GRIK3: variants seen among roughly 807,000 people sequenced by gnomAD.
GRIK3 encodes glutamate receptor ionotropic, kainate 3.
Under a neutral mutation model 102.5 loss-of-function variants are expected in GRIK3, and 29 were observed. The ratio of observed to expected loss-of-function variants is 0.28; its 90% confidence interval spans 0.21 to 0.39. The LOEUF is 0.39. Among genes scored for constraint, GRIK3 ranks in the 10% least tolerant of loss-of-function variants. GRIK3 has a pLI of 1.00. For missense variants in GRIK3, 908 were observed against 1,252.4 expected (o/e 0.73, Z 4.15); for synonymous variants, 511 against 504.9 (o/e 1.01, Z -0.16).
At chr1:37,004,371 T>G (rs1557460000) in intron 1 of GRIK3, among the ~76,000 whole-genome samples, 1 of 152,112 alleles carries the variant, frequency 6.6e-6, no homozygotes. Flanking sequence ...CACAAAGAGG[T>G]AGGGAATTGT....
chr1:36,854,003 AG>A (rs1640618471), intron 7 of GRIK3, among the ~76,000 whole-genome samples: 1 of 152,178 alleles, frequency 6.6e-6, no homozygotes, highest in Middle Eastern at 3.2e-3. Flanking sequence ...AGTCATGGGA[AG>A]GGGGAGCCCA....
At chr1:37,002,054 G>A (rs1289511615) in intron 1 of GRIK3, among the ~76,000 whole-genome samples, 1 of 152,194 alleles carries the variant, frequency 6.6e-6, no homozygotes. Flanking sequence ...AGAGCAACAA[G>A]CATCCAAAGG....
At position 36,814,406 on chromosome 1, in the gene GRIK3, CACACAT is replaced by C. The variant is rs969484972; in HGVS notation, c.2091+2648_2091+2653del. ...GCAGGCAGGCATGTGTGCACATACA[CACACAT>C]ACACATGCAGACACATATGCATGTA... On this transcript the variant is annotated intron_variant, in intron 13 of 15. Coordinates refer to ENST00000373091, the MANE Select transcript of GRIK3 (RefSeq NM_000831.4). Among the ~76,000 whole-genome samples the C allele has an allele frequency of 3.3e-4, 49 of 149,788 alleles. 1 individual carries two copies. The highest frequency in any genetic ancestry group is 1.2e-3 in the African/African-American group (49 of 39,416).
intron 1 of GRIK3, among the ~76,000 whole-genome samples, chr1:36,982,530 T>A (rs544577953): frequency 3.9e-5 from 6 of 152,292 alleles, no homozygotes; most frequent in Admixed American, 1.3e-4. Context: ...AAAGAATAGA[T>A]GTGCATATGA....
intron 5 of GRIK3, among the ~76,000 whole-genome samples, chr1:36,861,212 C>A (rs1390279954): frequency 6.6e-6 from 1 of 152,180 alleles, no homozygotes; most frequent in Non-Finnish European, 1.5e-5. Context: ...ATCTCTGACG[C>A]ATGTTCCTTC....
At chr1:36,913,769 G>A (rs1207522577) in intron 1 of GRIK3, among the ~76,000 whole-genome samples, 1 of 152,076 alleles carries the variant, frequency 6.6e-6, no homozygotes, top group Non-Finnish European at 1.5e-5. Flanking sequence ...CTCTCCCAGA[G>A]GCATGACTCT....
intron 10 of GRIK3, among the ~76,000 whole-genome samples, chr1:36,837,997 G>A (rs1382264735): frequency 6.6e-6 from 1 of 152,198 alleles, no homozygotes; most frequent in Admixed American, 6.5e-5. Context: ...CTGTGGCCTG[G>A]CAGGATGACC....
rs138077704 is a variant in GRIK3 at position 37,031,573 on chromosome 1, T to C, written c.115+2421A>G. ...CCCTCTCCGGGCTGGTGCTCGGCGA[T>C]GCCTGGCTGCTGGAGAAGCATTCAG... On this transcript the variant is annotated intron_variant, in intron 1 of 15. Transcript: ENST00000373091. 2.0e-4 allele frequency among the ~76,000 whole-genome samples: 31 copies of C among 152,366 alleles called. No individual in the cohort carries two copies. In the East Asian group the frequency reaches 5.4e-3, roughly 27 times the overall value.
intron 1 of GRIK3, among the ~76,000 whole-genome samples, chr1:36,905,960 G>A (rs1262757123): frequency 6.6e-6 from 1 of 152,130 alleles, no homozygotes; most frequent in Non-Finnish European, 1.5e-5. Context: ...GGGGAGGAGG[G>A]GAAAGAGAGG....
intron 1 of GRIK3, among the ~76,000 whole-genome samples, chr1:36,916,095 A>C (rs976682904): frequency 1.5e-4 from 23 of 152,200 alleles, no homozygotes; most frequent in Non-Finnish European, 2.9e-4. Context: ...GTGATCTCAG[A>C]TGGAGATGAG....
At chr1:37,012,638 T>C (rs1642609673) in intron 1 of GRIK3, among the ~76,000 whole-genome samples, 1 of 152,206 alleles carries the variant, frequency 6.6e-6, no homozygotes, top group Non-Finnish European at 1.5e-5. Flanking sequence ...CTCTGTGTTT[T>C]CAGATGAGAA....
chr1:36,884,481 C>A (rs1641017657), intron 2 of GRIK3, among the ~76,000 whole-genome samples: 1 of 152,130 alleles, frequency 6.6e-6, no homozygotes, highest in Non-Finnish European at 1.5e-5. Flanking sequence ...TCAGATTAGG[C>A]ACTTCCTGAG....
chr1:36,907,487 A>G lies in GRIK3; in HGVS notation c.116-16391T>C, dbSNP rs543858067. Among the ~76,000 whole-genome samples, 5 of 152,340 alleles carry G rather than the reference A, an allele frequency of 3.3e-5. No homozygotes were observed. In the East Asian group the frequency reaches 7.7e-4, roughly 23 times the overall value. On this transcript the variant is annotated intron_variant, in intron 1 of 15. Coordinates refer to ENST00000373091, the MANE Select transcript of GRIK3 (RefSeq NM_000831.4). ...GCCCATCGTTAGAAAAGTCAGCTAC[A>G]GAATACTGACACCAGCTCCTGCTGT...
rs560294939 is a variant in GRIK3, at chr1:36,988,719, G to T, written c.115+45275C>A. Reference sequence around the variant, plus strand: ...AAATAATTTACCATAAATATCTAAAGCTCTCAAATTATTCTCTACATTAAC... The same window carrying T: ...AAATAATTTACCATAAATATCTAAATCTCTCAAATTATTCTCTACATTAAC... On this transcript the variant is annotated intron_variant, in intron 1 of 15. Coordinates refer to ENST00000373091, the MANE Select transcript of GRIK3 (RefSeq NM_000831.4). Among the ~76,000 whole-genome samples, 4 of 152,250 alleles carry T rather than the reference G, an allele frequency of 2.6e-5. No homozygotes were observed. The South Asian group carries it at 8.3e-4, about 32-fold the overall frequency.
intron 1 of GRIK3, among the ~76,000 whole-genome samples, chr1:37,007,069 A>G (rs534485256): frequency 6.6e-6 from 1 of 152,304 alleles, no homozygotes; most frequent in Admixed American, 6.5e-5. Flanking sequence ...GGACAGGCCC[A>G]CATCCCTGCC....
In GRIK3 at chr1:36,797,610, AGAT is replaced by A. The variant is rs1387433764; in HGVS notation, c.*4238_*4240del. The A allele has an allele frequency of 6.6e-6, 1 of 152,248 alleles. No individual in the cohort carries two copies. The allele number at this position is 152,248 out of a possible 1,614,324, so 9.4% of individuals were successfully genotyped here. On this transcript the variant is annotated 3_prime_UTR_variant, in exon 16 of 16. Transcript: ENST00000373091. Reference sequence around the variant, plus strand: ...CTGTCCATGAGGCTGGGCCCATCCCAGATGATAAGTCCATGCAGCTGTTTGTCC... The same window carrying A: ...CTGTCCATGAGGCTGGGCCCATCCCAGATAAGTCCATGCAGCTGTTTGTCC...
rs149675710 is a variant in GRIK3 at position 36,924,697 on chromosome 1, G to A, written c.116-33601C>T. 6.2e-3 allele frequency among the ~76,000 whole-genome samples: 945 copies of A among 152,266 alleles called. 7 individuals carry two copies. Among genetic ancestry groups the A allele is most frequent in the Admixed American group, 0.013 (193 of 15,302 alleles). ...GGGAAAGTTCACACTTCCAGAGGCC[G>A]TGCTCAAGCTGTCAGAAACACTGCA... is the stretch of plus-strand genomic sequence containing the variant. On this transcript the variant is annotated intron_variant, in intron 1 of 15. Transcript: ENST00000373091.
At chr1:36,874,554 G>C (rs1317212576) in intron 3 of GRIK3, among the ~76,000 whole-genome samples, 1 of 152,186 alleles carries the variant, frequency 6.6e-6, no homozygotes, top group Non-Finnish European at 1.5e-5. Context: ...GAGGCCACAA[G>C]CTATCACAAG....
rs376333303 is a variant in GRIK3 at position 36,841,902 on chromosome 1, G to C, written c.1364C>G (p.Thr455Arg). The change falls in exon 10 of 16, where the codon ACG becomes AGG. Residue 455 changes from threonine (T) to arginine (R), a missense_variant. By Grantham distance (71) the Thr-to-Arg change is moderately conservative. Coordinates refer to ENST00000373091, the MANE Select transcript of GRIK3 (RefSeq NM_000831.4). ...PFVMFRKSDR[T>R]LYGNDRFEGY... ...CTCGAACCGGTCATTCCCGTATAGC[G>C]TCCTGTCTGATTTCCGAAACATGAC... 3 of 1,614,080 alleles carry C rather than the reference G, an allele frequency of 1.9e-6. No individual in the cohort carries two copies. The highest frequency in any genetic ancestry group is 2.5e-6 in the Non-Finnish European group (3 of 1,180,042).
Sources: allele counts gnomAD v4.1 joint callset (sites outside exome capture counted in the v4.1 genomes callset), GRCh38; gene constraint gnomAD v4.1.1; transcripts MANE v1.5; gene names NCBI Gene and HGNC (gene_info 2026-07-23, HGNC 2026-07-21).